The following ZNF519 variants were observed in gnomAD, a reference collection of about 807,000 sequenced individuals.
The protein encoded by ZNF519 is zinc finger protein 519, also known as similar to Zinc finger protein 85 (Zinc finger protein HPF4) (HTF1).
A neutral mutation model predicts 7.4 loss-of-function variants in ZNF519; 7 were observed. That is an observed-to-expected ratio of 0.94 (90% CI 0.54 to 1.77). The LOEUF (loss-of-function observed/expected upper bound fraction) is 1.77, where lower values mean the gene tolerates loss of function less well. Ranked by LOEUF, ZNF519 falls within the 40% of genes most tolerant of loss-of-function variation. The pLI is 0.00. For synonymous variants in ZNF519, 179 were observed against 203.3 expected (o/e 0.88, Z 1.02); for missense variants, 586 against 623.1 (o/e 0.94, Z 0.63).
At chr18:14,122,335 A>G (rs1422768998) in intron 2 of ZNF519, 1 of 152,184 alleles carries the variant, frequency 6.6e-6, no homozygotes, top group Non-Finnish European at 1.5e-5. Context: ...CCTCTACAGG[A>G]TTAAAAATTA....
chr18:14,085,231 G>A (rs987071816), intron 2 of ZNF519, among the ~76,000 whole-genome samples: 1 of 152,038 alleles, frequency 6.6e-6, no homozygotes, highest in Non-Finnish European at 1.5e-5. Flanking sequence ...TATTATAAAG[G>A]AATGTCACAG....
intron 2 of ZNF519, among the ~76,000 whole-genome samples, chr18:14,088,652 G>A (rs1249379946): frequency 6.6e-6 from 1 of 152,108 alleles, no homozygotes; most frequent in Non-Finnish European, 1.5e-5. Flanking sequence ...AATATATGGA[G>A]TAAAAATTAA....
chr18:14,112,293 CA>C (rs970340974), intron 2 of ZNF519, among the ~76,000 whole-genome samples: 5 of 151,988 alleles, frequency 3.3e-5, no homozygotes, highest in African/African-American at 1.2e-4. Flanking sequence ...CAGAAACCCT[CA>C]AAACTATAGA....
At chr18:14,088,134 A>G (rs2046099265) in intron 2 of ZNF519, among the ~76,000 whole-genome samples, 1 of 152,204 alleles carries the variant, frequency 6.6e-6, no homozygotes, top group Admixed American at 6.5e-5. Flanking sequence ...CTTAACACCT[A>G]TGTGACAATT....
At chr18:14,121,049 G>A (rs563727027) in intron 2 of ZNF519, among the ~76,000 whole-genome samples, 4 of 152,130 alleles carry the variant, frequency 2.6e-5, no homozygotes, top group South Asian at 4.2e-4. Context: ...GATACACCTG[G>A]AGGACATTAT....
chr18:14,122,349 A>G (rs573311225), intron 2 of ZNF519: 1 of 152,338 alleles, frequency 6.6e-6, no homozygotes, highest in Admixed American at 6.5e-5. Context: ...AAAATTATTA[A>G]GCGGAAAAGA....
downstream of ZNF519, chr18:14,072,016 T>C (rs1395741633): frequency 2.0e-5 from 3 of 152,194 alleles, no homozygotes; most frequent in Non-Finnish European, 4.4e-5. Context: ...ACAGCGTGGT[T>C]TTCTGTCCTT....
At chr18:14,078,619 A>T (rs1371537141) in intron 3 of ZNF519, among the ~76,000 whole-genome samples, 2 of 152,192 alleles carry the variant, frequency 1.3e-5, no homozygotes, top group African/African-American at 4.8e-5. Context: ...AGTCAAATAG[A>T]GTATTTCAGA....
At chr18:14,106,771 A>G (rs2046195257) in intron 2 of ZNF519, among the ~76,000 whole-genome samples, 1 of 152,214 alleles carries the variant, frequency 6.6e-6, no homozygotes, top group Admixed American at 6.5e-5. Flanking sequence ...GTCACATACT[A>G]TGTAGATAGA....
downstream of ZNF519, chr18:14,071,472 T>C (rs2046028151): frequency 6.6e-6 from 1 of 152,196 alleles, no homozygotes. Flanking sequence ...TCCGTTAAAC[T>C]GCTCAGACTC....
chr18:14,130,453 TA>T (rs1192298109), intron 1 of ZNF519, among the ~76,000 whole-genome samples: 1 of 152,002 alleles, frequency 6.6e-6, no homozygotes, highest in African/African-American at 2.4e-5. Flanking sequence ...TACAGTTAAT[TA>T]AAAAAACCGA....
chr18:14,089,875 G>A (rs1293905104), intron 2 of ZNF519: 2 of 152,240 alleles, frequency 1.3e-5, no homozygotes, highest in Admixed American at 1.3e-4. Context: ...TGATGGCTGG[G>A]TTTCAGGTGG....
intron 1 of ZNF519, among the ~76,000 whole-genome samples, 193 bp downstream of exon 1, chr18:14,132,082 G>A (rs1301951855): frequency 6.6e-6 from 1 of 152,086 alleles, no homozygotes; most frequent in Non-Finnish European, 1.5e-5. Flanking sequence ...GCAGAGCTGC[G>A]CAAAGAGGGC....
At chr18:14,120,690 T>C (rs1405203764) in intron 2 of ZNF519, among the ~76,000 whole-genome samples, 1 of 152,038 alleles carries the variant, frequency 6.6e-6, no homozygotes, top group Non-Finnish European at 1.5e-5. Context: ...AGCAAAACAA[T>C]GATGATGATA....
intron 1 of ZNF519, among the ~76,000 whole-genome samples, chr18:14,128,690 AACACACAC>A (rs71366097): frequency 0.06 from 7,859 of 130,642 alleles, 344 homozygotes; most frequent in South Asian, 0.098. Flanking sequence ...TTCTGAGTCA[AACACACAC>A]ACACACACAC....
At chr18:14,120,223 A>ATC (rs1040592866) in intron 2 of ZNF519, among the ~76,000 whole-genome samples, 39 of 152,162 alleles carry the variant, frequency 2.6e-4, no homozygotes. Context: ...GGAACATAAT[A>ATC]GAGAGCCCAG....
At chr18:14,071,744 G>A (rs1341443729), downstream of ZNF519, 1 of 151,964 alleles carries the variant, frequency 6.6e-6, no homozygotes, top group African/African-American at 2.4e-5. Context: ...TTTGGTGTTG[G>A]GCTTTACAGG....
downstream of ZNF519, chr18:14,073,781 A>G (rs899663278): frequency 6.6e-6 from 1 of 152,216 alleles, no homozygotes; most frequent in African/African-American, 2.4e-5. Context: ...ATGAATGTAG[A>G]TTATTTTGTT....
chr18:14,117,210 C>T (rs1358235552), intron 2 of ZNF519, among the ~76,000 whole-genome samples: 1 of 151,750 alleles, frequency 6.6e-6, no homozygotes, highest in Non-Finnish European at 1.5e-5. Context: ...AAGTTAACAC[C>T]CAGAATATAT....
Sources: allele counts gnomAD v4.1 joint callset (sites outside exome capture counted in the v4.1 genomes callset), GRCh38; gene constraint gnomAD v4.1.1; transcripts MANE v1.5; gene names NCBI Gene and HGNC (gene_info 2026-07-23, HGNC 2026-07-21).